Variants in MALRD1 observed in about 807,000 individuals in gnomAD.
The protein encoded by MALRD1 is MAM and LDL-receptor class A domain-containing protein 1.
A neutral mutation model predicts 242.1 loss-of-function variants in MALRD1; 247 were observed. The ratio of observed to expected loss-of-function variants is 1.02; its 90% confidence interval spans 0.92 to 1.13. MALRD1 has a LOEUF of 1.13. Among genes scored for constraint, MALRD1 ranks in the 50% most tolerant of loss-of-function variants. The probability of loss-of-function intolerance (pLI) is 0.00; values close to 1 mark genes in which losing one functional copy is unlikely to be tolerated. For missense variants in MALRD1, 2,989 were observed against 2,533.1 expected, an observed-to-expected ratio of 1.18 and a Z score of -3.86; for synonymous variants, 995 against 866.6, an observed-to-expected ratio of 1.15 and a Z score of -2.60.
Position 19,293,221 on chromosome 10 carries a change from G to A in MALRD1, c.3419+10040G>A, listed in dbSNP as rs527322171. 4.6e-5 allele frequency among the ~76,000 whole-genome samples: 7 copies of A among 152,216 alleles called. No homozygotes were observed. In the South Asian group the frequency reaches 1.5e-3, roughly 32 times the overall value. On this transcript the variant is annotated intron_variant, in intron 21 of 39. Transcript: ENST00000454679. ...ACCAGTCCTTAGAAACAGTTTTAGT[G>A]CAATAAAAAGCAAGTGGTGCAAACA...
chr10:19,512,354 T>G (rs1225782729), intron 31 of MALRD1, among the ~76,000 whole-genome samples: 2 of 152,208 alleles, frequency 1.3e-5, no homozygotes, highest in Non-Finnish European at 2.9e-5. Context: ...TCATAATTGG[T>G]GCTTTCCAGG....
chr10:19,516,343 G>A (rs1833625933), intron 31 of MALRD1, among the ~76,000 whole-genome samples: 1 of 152,018 alleles, frequency 6.6e-6, no homozygotes, highest in African/African-American at 2.4e-5. Context: ...TGGCAATCCT[G>A]TAAGCTGGTA....
In MALRD1 at chr10:19,692,493, C is replaced by T. The variant is rs1438883506; in HGVS notation, c.6253C>T (p.Leu2085=). ...TCTCCTGGGTATTGGATTAGCATTC[C>T]TGATGACTCACATCACAGTTGCAGT... The part of the protein sequence containing the change: ...WTLLGIGLAF[L]MTHITVAVLC... Residue 2085 remains leucine, a synonymous_variant, in exon 38 of 40, where the codon CTG becomes TTG. Transcript: ENST00000454679. 2.6e-6 allele frequency: 4 copies of T among 1,535,782 alleles called. No homozygotes were observed. The highest frequency in any genetic ancestry group is 2.4e-5 in the South Asian group (2 of 84,030).
At chr10:19,344,677 G>T (rs1208694194) in intron 24 of MALRD1, among the ~76,000 whole-genome samples, 1 of 147,448 alleles carries the variant, frequency 6.8e-6, no homozygotes, top group African/African-American at 2.5e-5. Flanking sequence ...ATATCTACAA[G>T]TTATGGAACT....
At position 19,482,238 on chromosome 10, in the gene MALRD1, A is replaced by G. The variant is rs1002149976; in HGVS notation, c.5030-9279A>G. Among the ~76,000 whole-genome samples, 6 of 152,198 alleles carry G rather than the reference A, an allele frequency of 3.9e-5. No individual in the cohort carries two copies. The East Asian group carries it at 9.7e-4, about 25-fold the overall frequency. ...TTTACTCTCCAGAATTACCAGGTCT[A>G]ACTAGGGGTTAACTTTTGCTTGCAA... On this transcript the variant is annotated intron_variant, in intron 29 of 39. Transcript: ENST00000454679.
intron 21 of MALRD1, among the ~76,000 whole-genome samples, chr10:19,319,175 T>A (rs1032751593): frequency 6.6e-6 from 1 of 152,106 alleles, no homozygotes; most frequent in Non-Finnish European, 1.5e-5. Flanking sequence ...TTTTCAGTAT[T>A]TTCCTTTACG....
At chr10:19,710,830 CA>C (rs1834076820) in intron 38 of MALRD1, 2 of 152,192 alleles carry the variant, frequency 1.3e-5, no homozygotes, top group Admixed American at 6.5e-5. Context: ...AGCAAGAAGA[CA>C]ACCTTTCAGT....
At chr10:19,160,144 T>C (rs918254142) in intron 12 of MALRD1, among the ~76,000 whole-genome samples, 4 of 152,214 alleles carry the variant, frequency 2.6e-5, no homozygotes, top group Admixed American at 2.0e-4. Context: ...TTAACTTGTT[T>C]TGAATGAAGC....
At chr10:19,547,783 TAC>T (rs1346101205) in intron 32 of MALRD1, among the ~76,000 whole-genome samples, 1 of 44,574 alleles carries the variant, frequency 2.2e-5, no homozygotes, top group African/African-American at 7.9e-5. Context: ...ACTTCACAGA[TAC>T]ATATATATAT....
At chr10:19,530,448 A>AATAATTATATAATATG (rs1554793525) in intron 31 of MALRD1, among the ~76,000 whole-genome samples, 2 of 100,184 alleles carry the variant, frequency 2.0e-5, no homozygotes, top group African/African-American at 6.5e-5. Context: ...AATATATAAT[A>AATAATTATATAATATG]TATAATATAT....
intron 35 of MALRD1, among the ~76,000 whole-genome samples, chr10:19,612,450 A>C (rs1036898187): frequency 6.6e-6 from 1 of 151,932 alleles, no homozygotes; most frequent in Non-Finnish European, 1.5e-5. Flanking sequence ...ACCAAAAATG[A>C]TGCCAGACTC....
intron 36 of MALRD1, among the ~76,000 whole-genome samples, chr10:19,683,924 C>T (rs1842473475): frequency 1.3e-5 from 2 of 152,064 alleles, no homozygotes; most frequent in Admixed American, 6.6e-5. Flanking sequence ...GCTCTCCCTC[C>T]CCTTGTCCCT....
chr10:19,656,041 T>C (rs967295373), intron 36 of MALRD1, among the ~76,000 whole-genome samples: 1 of 152,134 alleles, frequency 6.6e-6, no homozygotes, highest in Non-Finnish European at 1.5e-5. Context: ...AGAGTTTAAG[T>C]GTAAGGATTA....
chr10:19,554,525 T>A (rs1306120271), intron 32 of MALRD1, among the ~76,000 whole-genome samples: 1 of 152,062 alleles, frequency 6.6e-6, no homozygotes, highest in Non-Finnish European at 1.5e-5. Flanking sequence ...TTAGCCATTT[T>A]TTCTAATGCT....
In MALRD1 at chr10:19,691,602, A is replaced by G. The variant is rs561293090; in HGVS notation, c.6138-680A>G. On this transcript the variant is annotated intron_variant, in intron 36 of 39. Transcript: ENST00000454679. ...GATACTACCAGAAAAATTTCAATAC[A>G]TTTACTGCTTAGCAATAAACCTTAT... Among the ~76,000 whole-genome samples, 11 of 152,152 alleles carry G rather than the reference A, an allele frequency of 7.2e-5. No individual in the cohort carries two copies. In the South Asian group the frequency reaches 2.3e-3, roughly 32 times the overall value.
chr10:19,508,857 A>G (rs995631644), intron 31 of MALRD1, among the ~76,000 whole-genome samples: 1 of 152,210 alleles, frequency 6.6e-6, no homozygotes, highest in African/African-American at 2.4e-5. Context: ...TTGTCTACCA[A>G]GTGAATAAAA....
At chr10:19,327,023 A>C (rs1351373811) in intron 22 of MALRD1, among the ~76,000 whole-genome samples, 1 of 152,072 alleles carries the variant, frequency 6.6e-6, no homozygotes, top group African/African-American at 2.4e-5. Context: ...ACTGATGAGA[A>C]TATGTTTGTT....
At chr10:19,088,233 A>G (rs1835742011) in intron 4 of MALRD1, 48 bp downstream of exon 4, 5 of 1,224,374 alleles carry the variant, frequency 4.1e-6, no homozygotes, top group Non-Finnish European at 5.1e-6. Context: ...AAAATAAGAT[A>G]CAGATCTTTA....
At chr10:19,731,470 C>G (rs1006948250) in intron 39 of MALRD1, among the ~76,000 whole-genome samples, 1 of 151,230 alleles carries the variant, frequency 6.6e-6, no homozygotes, top group Non-Finnish European at 1.5e-5. Context: ...TTTAAAATAT[C>G]TATCACCTCA....
Sources: gnomAD v4.1 joint callset for allele counts (sites outside exome capture counted in the v4.1 genomes callset) on GRCh38, gnomAD v4.1.1 for gene constraint, MANE v1.5 for transcripts, NCBI Gene and HGNC (gene_info 2026-07-23, HGNC 2026-07-21) for gene names.